Variants in ZNF532 observed in about 807,000 individuals in gnomAD.
The protein encoded by ZNF532 is zinc finger protein 532.
Under a neutral mutation model 89.3 loss-of-function variants are expected in ZNF532, and 22 were observed. The observed-to-expected ratio is 0.25, with a 90% CI of 0.18 to 0.35. The LOEUF is 0.35. Ranked by LOEUF, ZNF532 falls within the 10% of genes least tolerant of loss-of-function variation. The pLI, the probability that ZNF532 is intolerant of heterozygous loss-of-function variation, is 1.00. For missense variants in ZNF532, 1,132 were observed against 1,643.4 expected (o/e 0.69, Z 5.38); for synonymous variants, 606 against 649.6 (o/e 0.93, Z 1.02).
At position 58,915,734 on chromosome 18, in the gene ZNF532, C is replaced by T. The variant is rs80166639; in HGVS notation, c.-17-2537C>T. Among the ~76,000 whole-genome samples, 278 of 152,346 alleles carry T rather than the reference C, an allele frequency of 1.8e-3. 2 individuals are homozygous for T. In the East Asian group the frequency reaches 0.026, roughly 14 times the overall value. On this transcript the variant is annotated intron_variant, in intron 2 of 9. Coordinates refer to ENST00000591808, the MANE Select transcript of ZNF532 (RefSeq NM_001375912.1). ...AGGGTTCATAAGAATGTCAGACAGT[C>T]GCACTGCCGACCACTCAAGTTTGGT...
At chr18:58,980,600 A>T (rs1228761830) in intron 8 of ZNF532, 1 of 152,114 alleles carries the variant, frequency 6.6e-6, no homozygotes, top group Non-Finnish European at 1.5e-5. Context: ...AGCATTCTTG[A>T]TACCTGGTTT....
intron 3 of ZNF532, among the ~76,000 whole-genome samples, chr18:58,926,616 G>T (rs1319643194): frequency 6.6e-6 from 1 of 152,198 alleles, no homozygotes; most frequent in Non-Finnish European, 1.5e-5. Flanking sequence ...CCAAAGTGCT[G>T]GGATTATAGG....
chr18:58,882,768 A>C (rs2058024482), intron 2 of ZNF532, among the ~76,000 whole-genome samples: 2 of 152,142 alleles, frequency 1.3e-5, no homozygotes, highest in Non-Finnish European at 1.5e-5. Flanking sequence ...AATTTCTTAA[A>C]CCCAGCTTTA....
intron 3 of ZNF532, among the ~76,000 whole-genome samples, chr18:58,928,467 T>C (rs2061701620): frequency 6.6e-6 from 1 of 152,172 alleles, no homozygotes; most frequent in East Asian, 1.9e-4. Context: ...TGTTGGAATA[T>C]ATGGTTTTAG....
intron 2 of ZNF532, among the ~76,000 whole-genome samples, chr18:58,902,394 G>C (rs763071636): frequency 1.3e-5 from 2 of 152,138 alleles, no homozygotes; most frequent in Non-Finnish European, 2.9e-5. Context: ...GTCTCCCTCT[G>C]TTGCCCCAGA....
At chr18:58,869,441 C>T (rs896696911) in intron 2 of ZNF532, among the ~76,000 whole-genome samples, 2 of 152,134 alleles carry the variant, frequency 1.3e-5, no homozygotes, top group African/African-American at 4.8e-5. Context: ...TTTCCTGCAG[C>T]AATTATTTTT....
At chr18:58,932,314 G>A (rs528716087) in intron 3 of ZNF532, 1 of 152,318 alleles carries the variant, frequency 6.6e-6, no homozygotes, top group African/African-American at 2.4e-5. Context: ...GTAATTCCTT[G>A]TGCATCTTAT....
chr18:58,872,108 A>G (rs1291013592), intron 2 of ZNF532, among the ~76,000 whole-genome samples: 1 of 152,248 alleles, frequency 6.6e-6, no homozygotes, highest in East Asian at 1.9e-4. Context: ...AGTAATTTTT[A>G]GACAGACGCA....
At chr18:58,908,992 C>A (rs1245461421) in intron 2 of ZNF532, among the ~76,000 whole-genome samples, 1 of 152,070 alleles carries the variant, frequency 6.6e-6, no homozygotes, top group African/African-American at 2.4e-5. Flanking sequence ...TCGCTCTTGT[C>A]CCCCAGGCTG....
chr18:58,873,563 C>T (rs558779316), intron 2 of ZNF532, among the ~76,000 whole-genome samples: 1 of 152,214 alleles, frequency 6.6e-6, no homozygotes, highest in East Asian at 1.9e-4. Context: ...GTTCTCCTGC[C>T]TCAGCCTCCC....
intron 2 of ZNF532, among the ~76,000 whole-genome samples, chr18:58,917,106 C>T (rs1195793617): frequency 6.6e-6 from 1 of 152,184 alleles, no homozygotes; most frequent in African/African-American, 2.4e-5. Context: ...CTTCATTCCC[C>T]TTTCTCTTCT....
chr18:58,926,636 C>G (rs1477467538), intron 3 of ZNF532, among the ~76,000 whole-genome samples: 3 of 152,228 alleles, frequency 2.0e-5, no homozygotes. Flanking sequence ...GCGTGAGCCA[C>G]TGTACCCGGC....
chr18:58,933,520 T>A (rs2062127634), intron 3 of ZNF532, among the ~76,000 whole-genome samples: 3 of 152,226 alleles, frequency 2.0e-5, no homozygotes, highest in Admixed American at 6.5e-5. Context: ...TAGAAGATGG[T>A]AGATAATTTG....
At chr18:58,968,084 A>C (rs1471313678) in intron 7 of ZNF532, among the ~76,000 whole-genome samples, 2 of 152,190 alleles carry the variant, frequency 1.3e-5, no homozygotes, top group Non-Finnish European at 2.9e-5. Flanking sequence ...ACAGACACTT[A>C]AGACATTTGT....
chr18:58,877,883 G>T (rs1357770700), intron 2 of ZNF532, among the ~76,000 whole-genome samples: 4 of 152,168 alleles, frequency 2.6e-5, no homozygotes, highest in African/African-American at 9.7e-5. Context: ...GTCACAGTTG[G>T]GGGGTGAGTT....
chr18:58,863,450 GCCGCCCCCTCCCCCTC>G (rs2056132758), upstream of ZNF532: 1 of 134,766 alleles, frequency 7.4e-6, no homozygotes, highest in Non-Finnish European at 1.6e-5. Context: ...TCCCCCACCG[GCCGCCCCCTCCCCCTC>G]GCCCGCGCTC....
intron 2 of ZNF532, among the ~76,000 whole-genome samples, chr18:58,897,374 A>G (rs758298882): frequency 3.3e-5 from 5 of 152,230 alleles, no homozygotes; most frequent in East Asian, 1.9e-4. Context: ...TAAAAAAGAA[A>G]AATACACTGA....
intron 5 of ZNF532, among the ~76,000 whole-genome samples, chr18:58,940,906 A>G (rs4940777): frequency 0.59 from 85,839 of 145,564 alleles, 25,814 homozygotes; most frequent in African/African-American, 0.72. Context: ...GGGAAGATAC[A>G]CAGCTATGCC....
At chr18:58,865,959 C>T (rs888989716) in intron 2 of ZNF532, among the ~76,000 whole-genome samples, 8 of 152,220 alleles carry the variant, frequency 5.3e-5, no homozygotes, top group African/African-American at 1.9e-4. Context: ...TCGAGGCAGC[C>T]TAGCCACCTT....
Sources: allele counts gnomAD v4.1 joint callset (sites outside exome capture counted in the v4.1 genomes callset), GRCh38; gene constraint gnomAD v4.1.1; transcripts MANE v1.5; gene names NCBI Gene and HGNC (gene_info 2026-07-23, HGNC 2026-07-21).